The following DGKB variants were observed in gnomAD, a reference collection of about 807,000 sequenced individuals.
DGKB encodes the protein diacylglycerol kinase beta.
DGKB carries 67 observed loss-of-function variants against 114.3 expected under a neutral mutation model. That is an observed-to-expected ratio of 0.59 (90% CI 0.48 to 0.72). DGKB has a LOEUF of 0.72. DGKB is among the 30% of genes least tolerant of loss of function. The pLI, the probability that DGKB is intolerant of heterozygous loss-of-function variation, is 0.00. For missense variants in DGKB, 907 were observed against 975.2 expected (o/e 0.93, Z 0.93); for synonymous variants, 398 against 323.1 (o/e 1.23, Z -2.49).
chr7:14,711,079 C>A (rs992659219), intron 6 of DGKB, among the ~76,000 whole-genome samples: 1 of 152,062 alleles, frequency 6.6e-6, no homozygotes, highest in Admixed American at 6.6e-5. Flanking sequence ...TTAAAATACA[C>A]ATTCGTTCCA....
chr7:14,438,890 C>T (rs774519536), intron 21 of DGKB, among the ~76,000 whole-genome samples: 27 of 151,730 alleles, frequency 1.8e-4, no homozygotes, highest in Admixed American at 6.6e-4. Context: ...AATGTAGTGA[C>T]CTGAATATAC....
At chr7:14,599,559 GAAC>G (rs1204452951) in intron 17 of DGKB, among the ~76,000 whole-genome samples, 17 of 152,092 alleles carry the variant, frequency 1.1e-4, no homozygotes, top group African/African-American at 3.4e-4. Flanking sequence ...TCATTTAAAA[GAAC>G]AACCACGAAA....
chr7:14,624,785 C>T (rs1310251632), intron 14 of DGKB, among the ~76,000 whole-genome samples: 9 of 152,046 alleles, frequency 5.9e-5, no homozygotes, highest in Non-Finnish European at 8.8e-5. Context: ...ATCGCTGGAG[C>T]CCAGGAGTTC....
Position 14,615,491 on chromosome 7 carries a change from G to T in DGKB, c.1285-2078C>A, listed in dbSNP as rs1806346977. ...TTATGAACAAATAAATATCCCACTG[G>T]AATAGATTATAGTCTGTAAGGAATT... On this transcript the variant is annotated intron_variant, in intron 15 of 25. Transcript: ENST00000402815. 2.0e-5 allele frequency among the ~76,000 whole-genome samples: 3 copies of T among 151,608 alleles called. No individual in the cohort carries two copies. The South Asian group carries it at 6.3e-4, about 32-fold the overall frequency.
intron 23 of DGKB, among the ~76,000 whole-genome samples, chr7:14,320,542 C>CATATATGTACTATATAGTACATATAT (rs1256619548): frequency 1.2e-4 from 18 of 151,256 alleles, no homozygotes; most frequent in African/African-American, 4.4e-4. Context: ...ATATGCGGTA[C>CATATATGTACTATATAGTACATATAT]ATATATGTAC....
At chr7:14,855,104 T>C (rs1365388662) in intron 1 of DGKB, among the ~76,000 whole-genome samples, 1 of 152,166 alleles carries the variant, frequency 6.6e-6, no homozygotes, top group African/African-American at 2.4e-5. Context: ...TAAGACAAAT[T>C]CAAGGTGTGA....
chr7:14,535,832 C>A (rs7783036), intron 20 of DGKB, among the ~76,000 whole-genome samples: 75,649 of 151,724 alleles, frequency 0.5, 19,560 homozygotes, highest in East Asian at 0.81. Context: ...TGATCCACCC[C>A]CCTCAGCCTC....
In DGKB at chr7:14,841,366, T is replaced by C. The variant is rs888309904; in HGVS notation, c.-103A>G. The C allele has an allele frequency of 2.1e-6, 2 of 951,534 alleles. No homozygotes were observed. Among genetic ancestry groups the C allele is most frequent in the African/African-American group, 1.7e-5 (1 of 60,056 alleles). 58.9% of individuals were successfully genotyped at this position (951,534 alleles called of 1,614,324 possible). Reference sequence around the variant, plus strand: ...AGATTCCACATGGCATGTTTCATGATAAAATACCTCAGGCTTTCAAAATAT... The same window carrying C: ...AGATTCCACATGGCATGTTTCATGACAAAATACCTCAGGCTTTCAAAATAT... On this transcript the variant is annotated 5_prime_UTR_variant, in exon 2 of 26. Transcript: ENST00000402815.
At chr7:14,788,567 C>G (rs564270007) in intron 2 of DGKB, among the ~76,000 whole-genome samples, 1 of 152,282 alleles carries the variant, frequency 6.6e-6, no homozygotes, top group African/African-American at 2.4e-5. Flanking sequence ...TTACCCTAAT[C>G]ACCTCAGGGC....
chr7:14,410,361 C>T (rs916347511), intron 21 of DGKB, among the ~76,000 whole-genome samples: 5 of 151,508 alleles, frequency 3.3e-5, no homozygotes, highest in Admixed American at 6.6e-5. Flanking sequence ...CATTTTTCTC[C>T]AAATTCATCT....
In DGKB at chr7:14,356,352, CTTTTTTTTTTTTTT is replaced by C. The variant is rs997102742; in HGVS notation, c.1836-10975_1836-10962del. Among the ~76,000 whole-genome samples, 152 of 77,222 alleles carry C rather than the reference CTTTTTTTTTTTTTT, an allele frequency of 2.0e-3. 3 individuals carry two copies. Among genetic ancestry groups the C allele is most frequent in the African/African-American group, 3.4e-3 (65 of 19,120 alleles). 50.7% of individuals were successfully genotyped at this position (77,222 alleles called of 152,430 possible). A position where few individuals can be genotyped will look rare whatever the true frequency, so the allele number is the denominator to read the frequency against. On this transcript the variant is annotated intron_variant, in intron 21 of 25. Coordinates refer to ENST00000402815, the MANE Select transcript of DGKB (RefSeq NM_001350709.2). ...TTTGTTTGCTCTTGCTTCTCTAGTT[CTTTTTTTTTTTTTT>C]TTTTTTTTTTTTTGAGACGGAGTCT...
intron 12 of DGKB, among the ~76,000 whole-genome samples, chr7:14,678,512 T>C (rs1011320773): frequency 6.6e-6 from 1 of 152,004 alleles, no homozygotes; most frequent in Admixed American, 6.6e-5. Flanking sequence ...CCAACAGAAA[T>C]ACACAGCTAT....
chr7:14,655,886 G>C (rs1815680420), intron 13 of DGKB, among the ~76,000 whole-genome samples: 1 of 151,592 alleles, frequency 6.6e-6, no homozygotes, highest in South Asian at 2.1e-4. Flanking sequence ...AGTTAGGGAT[G>C]AGAAAGGCAA....
rs549723833 is a variant in DGKB at position 14,220,480 on chromosome 7, A to G, written c.2123-42329T>C. On this transcript the variant is annotated intron_variant, in intron 23 of 25. Transcript: ENST00000402815. ...TCCCAATTCTATGCTATATATATATATATGTCTATCCTTATGTTACTACCA... is the reference window on the plus strand; with the variant it reads ...TCCCAATTCTATGCTATATATATATGTATGTCTATCCTTATGTTACTACCA... Among the ~76,000 whole-genome samples, 266 of 151,698 alleles carry G rather than the reference A, an allele frequency of 1.8e-3. 1 individual carries two copies. The highest frequency in any genetic ancestry group is 6.2e-3 in the African/African-American group (257 of 41,512).
intron 23 of DGKB, among the ~76,000 whole-genome samples, chr7:14,215,212 C>CAATCT (rs1788756143): frequency 6.6e-6 from 1 of 152,028 alleles, no homozygotes; most frequent in Admixed American, 6.6e-5. Context: ...AAGAATATGG[C>CAATCT]AATCTAGGGC....
rs1396770759 is a variant in DGKB at position 14,485,254 on chromosome 7, A to G, written c.1771-7029T>C. Among the ~76,000 whole-genome samples, 6 of 148,790 alleles carry G rather than the reference A, an allele frequency of 4.0e-5. No homozygotes were observed. In the Admixed American group the frequency reaches 4.0e-4, roughly 10 times the overall value. On this transcript the variant is annotated intron_variant, in intron 20 of 25. Transcript: ENST00000402815. ...GCACAGGTAGCAGCACCTGGACTTT[A>G]CTCTGCTAGATTGCATTTTTTGTCT...
At chr7:14,532,814 G>A (rs1433133438) in intron 20 of DGKB, among the ~76,000 whole-genome samples, 1 of 151,540 alleles carries the variant, frequency 6.6e-6, no homozygotes, top group Non-Finnish European at 1.5e-5. Flanking sequence ...CCTACCAACA[G>A]GAGCTACATG....
intron 25 of DGKB, among the ~76,000 whole-genome samples, chr7:14,163,262 T>A (rs1784166416): frequency 6.6e-6 from 1 of 152,160 alleles, no homozygotes; most frequent in Non-Finnish European, 1.5e-5. Flanking sequence ...CAATCTGAAA[T>A]GAAAAGCTTG....
At chr7:14,486,051 C>T (rs774788393) in intron 20 of DGKB, among the ~76,000 whole-genome samples, 5 of 152,022 alleles carry the variant, frequency 3.3e-5, no homozygotes, top group African/African-American at 1.2e-4. Context: ...CTTTACAATC[C>T]ACTTCATTCT....
Sources: allele counts gnomAD v4.1 joint callset (sites outside exome capture counted in the v4.1 genomes callset), GRCh38; gene constraint gnomAD v4.1.1; transcripts MANE v1.5; gene names NCBI Gene and HGNC (gene_info 2026-07-23, HGNC 2026-07-21).